Variants in ATP8A1 observed in about 807,000 individuals in gnomAD.
ATP8A1 encodes ATPase phospholipid transporting 8A1, also known as phospholipid-transporting ATPase IA.
ATP8A1 carries 90 observed loss-of-function variants against 177.7 expected under a neutral mutation model. The ratio of observed to expected loss-of-function variants is 0.51; its 90% CI spans 0.43 to 0.60. The LOEUF (loss-of-function observed/expected upper bound fraction) is 0.60, where lower values mean the gene tolerates loss of function less well. Among genes scored for constraint, ATP8A1 ranks in the 20% least tolerant of loss-of-function variants. The probability of loss-of-function intolerance (pLI) is 0.00; values close to 1 mark genes in which losing one functional copy is unlikely to be tolerated. For synonymous variants in ATP8A1, 493 were observed against 485.9 expected, an observed-to-expected ratio of 1.01 and a Z score of -0.19; for missense variants, 1,072 against 1,392.8, an observed-to-expected ratio of 0.77 and a Z score of 3.67.
chr4:42,535,960 G>A (rs1197165062), intron 20 of ATP8A1, among the ~76,000 whole-genome samples: 1 of 152,142 alleles, frequency 6.6e-6, no homozygotes, highest in African/African-American at 2.4e-5. Flanking sequence ...CACAGCACAA[G>A]GGGTGCTAAG....
At chr4:42,545,196 C>T (rs1205669524) in intron 19 of ATP8A1, among the ~76,000 whole-genome samples, 1 of 151,760 alleles carries the variant, frequency 6.6e-6, no homozygotes, top group Non-Finnish European at 1.5e-5. Flanking sequence ...TTTAAGTTCC[C>T]TCTTTCTTTA....
intron 22 of ATP8A1, 109 bp from the exon 23 acceptor site, chr4:42,507,263 T>G: frequency 1.8e-6 from 2 of 1,137,874 alleles, no homozygotes; most frequent in Non-Finnish European, 2.5e-6. Flanking sequence ...TGATAATTCA[T>G]GGACTTTGGT....
chr4:42,493,339 G>T (rs1468659475), intron 24 of ATP8A1, among the ~76,000 whole-genome samples: 1 of 152,076 alleles, frequency 6.6e-6, no homozygotes, highest in African/African-American at 2.4e-5. Flanking sequence ...TCTTGGAAAA[G>T]GGAAAATTAA....
chr4:42,436,952 T>C (rs1337087665), intron 33 of ATP8A1, among the ~76,000 whole-genome samples: 2 of 152,242 alleles, frequency 1.3e-5, no homozygotes, highest in African/African-American at 2.4e-5. Context: ...ATACCTTTCC[T>C]ACAGGGCTGA....
At position 42,410,861 on chromosome 4, in the gene ATP8A1, G is replaced by A. The variant is rs941854112; in HGVS notation, c.*2055C>T. 3 of 152,188 alleles carry A rather than the reference G, an allele frequency of 2.0e-5. No individual in the cohort carries two copies. The allele number at this position is 152,188 out of a possible 1,614,324, so 9.4% of individuals were successfully genotyped here. ...CAGAAGGGTGCCACTGATGAAGTGA[G>A]CGCAAACAGAAGCAGCTCTTCTCTA... On this transcript the variant is annotated 3_prime_UTR_variant, in exon 37 of 37. Transcript: ENST00000381668.
chr4:42,485,113 A>G (rs1722061092), intron 25 of ATP8A1, among the ~76,000 whole-genome samples: 1 of 152,194 alleles, frequency 6.6e-6, no homozygotes, highest in African/African-American at 2.4e-5. Flanking sequence ...AGCTATTTGG[A>G]AAATGATTCA....
At chr4:42,551,828 TAAC>T (rs1482154846) in intron 17 of ATP8A1, among the ~76,000 whole-genome samples, 1 of 152,176 alleles carries the variant, frequency 6.6e-6, no homozygotes, top group Non-Finnish European at 1.5e-5. Context: ...ATATGAGACA[TAAC>T]AATTCTTATG....
At chr4:42,468,070 A>G (rs1331687208) in intron 25 of ATP8A1, among the ~76,000 whole-genome samples, 1 of 152,216 alleles carries the variant, frequency 6.6e-6, no homozygotes, top group Non-Finnish European at 1.5e-5. Context: ...AAAAAAATCA[A>G]AAAAGAATAG....
chr4:42,569,878 G>T (rs779037090), intron 14 of ATP8A1, among the ~76,000 whole-genome samples: 1 of 152,174 alleles, frequency 6.6e-6, no homozygotes, highest in Non-Finnish European at 1.5e-5. Context: ...AAGTCTGATA[G>T]ATGTACTTCA....
chr4:42,556,594 C>G (rs1165020210), intron 15 of ATP8A1, among the ~76,000 whole-genome samples: 1 of 151,898 alleles, frequency 6.6e-6, no homozygotes, highest in African/African-American at 2.4e-5. Flanking sequence ...AATATAAGAA[C>G]AAATAATAAA....
At chr4:42,613,461 A>G (rs1736577569) in intron 5 of ATP8A1, among the ~76,000 whole-genome samples, 1 of 152,194 alleles carries the variant, frequency 6.6e-6, no homozygotes, top group Non-Finnish European at 1.5e-5. Context: ...GTCCTTTCAT[A>G]TACTTTAAAT....
chr4:42,639,426 A>G (rs2109540432), intron 1 of ATP8A1, among the ~76,000 whole-genome samples: 1 of 152,338 alleles, frequency 6.6e-6, no homozygotes, highest in South Asian at 2.1e-4. Context: ...TTGTTAACAG[A>G]TAATAAAAGG....
intron 14 of ATP8A1, among the ~76,000 whole-genome samples, chr4:42,573,285 TA>T (rs1353926109): frequency 6.6e-6 from 1 of 152,128 alleles, no homozygotes; most frequent in Non-Finnish European, 1.5e-5. Context: ...AGAATTTGTG[TA>T]AAAAAATCAT....
Position 42,455,604 on chromosome 4 carries a change from GAA to G in ATP8A1, c.2620-7_2620-6del, listed in dbSNP as rs748767114. ...ATTAACAAAGGCAAACCAGATCTAG[GAA>G]AAAAAACCCAAAACCCCCAAATTAG... On this transcript the variant is annotated splice_polypyrimidine_tract_variant and splice_region_variant and intron_variant, in intron 27 of 36. Transcript: ENST00000381668. 29 of 1,609,186 alleles carry G rather than the reference GAA, an allele frequency of 1.8e-5. No individual in the cohort carries two copies. The East Asian group carries it at 6.3e-4, about 35-fold the overall frequency.
intron 20 of ATP8A1, among the ~76,000 whole-genome samples, chr4:42,531,065 G>A (rs545991921): frequency 6.6e-6 from 1 of 152,274 alleles, no homozygotes; most frequent in South Asian, 2.1e-4. Context: ...GGCTAAGGGA[G>A]TTACAGTGTT....
chr4:42,636,119 TACACACACACAC>T (rs544619447), intron 1 of ATP8A1, among the ~76,000 whole-genome samples: 141 of 79,090 alleles, frequency 1.8e-3, no homozygotes, highest in African/African-American at 6.8e-3. Context: ...ATGGGCTTAA[TACACACACACAC>T]ACACACACAC....
chr4:42,416,984 T>C (rs1189261834), intron 35 of ATP8A1, among the ~76,000 whole-genome samples: 1 of 152,218 alleles, frequency 6.6e-6, no homozygotes, highest in Non-Finnish European at 1.5e-5. Context: ...TAGTTTATAA[T>C]GTTCTCATTC....
intron 33 of ATP8A1, among the ~76,000 whole-genome samples, chr4:42,432,513 G>A (rs796671096): frequency 3.9e-5 from 6 of 152,258 alleles, no homozygotes; most frequent in African/African-American, 1.4e-4. Context: ...AAATACCATG[G>A]TGGGACACTG....
chr4:42,429,002 A>G (rs772933733), intron 33 of ATP8A1, among the ~76,000 whole-genome samples: 1 of 152,150 alleles, frequency 6.6e-6, no homozygotes, highest in Non-Finnish European at 1.5e-5. Flanking sequence ...TCATGATCCA[A>G]GTGCTTAACC....
Sources: gnomAD v4.1 joint callset for allele counts (sites outside exome capture counted in the v4.1 genomes callset) on GRCh38, gnomAD v4.1.1 for gene constraint, MANE v1.5 for transcripts, NCBI Gene and HGNC (gene_info 2026-07-23, HGNC 2026-07-21) for gene names.